Variants in SPPL2B observed in about 807,000 individuals in gnomAD.
SPPL2B encodes signal peptide peptidase like 2B.
In SPPL2B, 39 loss-of-function variants were observed where a neutral mutation model predicts 59.7. That is an observed-to-expected ratio of 0.65 (90% CI 0.51 to 0.85). The LOEUF (loss-of-function observed/expected upper bound fraction) is 0.85, where lower values mean the gene tolerates loss of function less well. Among genes scored for constraint, SPPL2B ranks in the 40% least tolerant of loss-of-function variants. The pLI is 0.00. For missense variants in SPPL2B, 865 were observed against 849.0 expected (o/e 1.02, Z -0.23); for synonymous variants, 419 against 370.8 (o/e 1.13, Z -1.49).
chr19:2,347,065 C>A (rs1230504739), intron 13 of SPPL2B, among the ~76,000 whole-genome samples: 1 of 152,214 alleles, frequency 6.6e-6, no homozygotes, highest in Non-Finnish European at 1.5e-5. Context: ...CTCCCGTGTG[C>A]CCCGTTCTCA....
At chr19:2,331,087 G>T (rs1236584120) in intron 1 of SPPL2B, among the ~76,000 whole-genome samples, 1 of 152,152 alleles carries the variant, frequency 6.6e-6, no homozygotes. Flanking sequence ...CAAGGAAGTC[G>T]ACCTCCCCAG....
chr19:2,345,724 C>T (rs1360986156), intron 13 of SPPL2B, among the ~76,000 whole-genome samples: 41 of 150,936 alleles, frequency 2.7e-4, no homozygotes, highest in African/African-American at 9.5e-4. Context: ...CCTCCGTCCC[C>T]GTCTTTCTCA....
chr19:2,328,885 C>T (rs377698871), intron 1 of SPPL2B, 110 bp downstream of exon 1: 5 of 976,626 alleles, frequency 5.1e-6, no homozygotes, highest in Non-Finnish European at 6.8e-6. Context: ...GGGGTCCAGC[C>T]TCGGGGATCC....
chr19:2,349,870 C>G (rs1599253472), intron 13 of SPPL2B, among the ~76,000 whole-genome samples: 2 of 139,402 alleles, frequency 1.4e-5, no homozygotes, highest in Admixed American at 1.4e-4. Context: ...TGATTCCGTT[C>G]TCTCTCTCCA....
At chr19:2,333,542 C>A (rs908809459) in intron 1 of SPPL2B, among the ~76,000 whole-genome samples, 3 of 152,242 alleles carry the variant, frequency 2.0e-5, no homozygotes, top group African/African-American at 7.2e-5. Context: ...GGGGTCGTCC[C>A]TTCTGGTCCA....
intron 2 of SPPL2B, among the ~76,000 whole-genome samples, 194 bp downstream of exon 2, chr19:2,334,915 G>A (rs952673995): frequency 1.3e-5 from 2 of 152,164 alleles, no homozygotes; most frequent in Non-Finnish European, 2.9e-5. Flanking sequence ...AGCTGTCCAT[G>A]CGGCCTTGGG....
At chr19:2,329,867 C>G (rs1401382733) in intron 1 of SPPL2B, among the ~76,000 whole-genome samples, 2 of 152,200 alleles carry the variant, frequency 1.3e-5, no homozygotes, top group African/African-American at 4.8e-5. Context: ...CTAGTCTTTT[C>G]TCTTACCCTG....
chr19:2,341,091 C>T (rs781225052), intron 8 of SPPL2B, 77 bp downstream of exon 8: 5 of 1,054,734 alleles, frequency 4.7e-6, no homozygotes, highest in Middle Eastern at 2.0e-4. Context: ...CCCTGACTCC[C>T]TGCCCTCCCT....
chr19:2,328,838 G>C, intron 1 of SPPL2B, 63 bp downstream of exon 1: 1 of 1,295,756 alleles, frequency 7.7e-7, no homozygotes, highest in Non-Finnish European at 9.9e-7. Flanking sequence ...TCTGTCCCCG[G>C]GCTACGCGCA....
At chr19:2,346,223 A>G (rs1295472709) in intron 13 of SPPL2B, among the ~76,000 whole-genome samples, 1 of 152,086 alleles carries the variant, frequency 6.6e-6, no homozygotes, top group African/African-American at 2.4e-5. Flanking sequence ...CACGCCCCCG[A>G]CCCTGCCCTC....
chr19:2,350,831 C>T (rs1478167818), intron 13 of SPPL2B, among the ~76,000 whole-genome samples: 1 of 152,234 alleles, frequency 6.6e-6, no homozygotes, highest in Non-Finnish European at 1.5e-5. Context: ...CCTGGCAGCC[C>T]TCCCCTGCGG....
intron 13 of SPPL2B, among the ~76,000 whole-genome samples, chr19:2,349,336 TTCTC>T (rs79337244): frequency 2.2e-4 from 24 of 110,466 alleles, no homozygotes; most frequent in East Asian, 4.4e-4. Flanking sequence ...CTTGATTCCG[TTCTC>T]TCTCTCCACA....
At chr19:2,339,020 G>A (rs763584011) in intron 4 of SPPL2B, 49 bp from the exon 5 acceptor site, 31 of 1,533,194 alleles carry the variant, frequency 2.0e-5, no homozygotes, top group Non-Finnish European at 2.6e-5. Context: ...GTCGACCCAT[G>A]GCTGGCGGGT....
At chr19:2,343,024 T>C in intron 8 of SPPL2B, 187 bp from the exon 9 acceptor site, 1 of 601,976 alleles carries the variant, frequency 1.7e-6, no homozygotes, top group Non-Finnish European at 3.0e-6. Flanking sequence ...CCGCCAGCCC[T>C]GCTGGAGTTG....
rs180827185 is a variant in SPPL2B at position 2,352,979 on chromosome 19, C to T, written c.1549C>T (p.Pro517Ser). 3 of 1,612,268 alleles carry T rather than the reference C, an allele frequency of 1.9e-6. No homozygotes were observed. The highest frequency in any genetic ancestry group is 2.5e-6 in the Non-Finnish European group (3 of 1,179,732). The change falls in exon 15 of 15, where the codon CCA (proline) becomes TCA (serine). Residue 517 changes from proline (P) to serine (S), a missense_variant. By Grantham distance (74) the Pro-to-Ser change is moderately conservative (BLOSUM62 -1). Coordinates refer to ENST00000613503, the MANE Select transcript of SPPL2B (RefSeq NM_152988.3). Reference sequence around the variant, plus strand: ...ACCTCCATCTCCGTGGGCCCCAGCACCAGCCGACGGCCCGCAGCCTCCCAA... The same window carrying T: ...ACCTCCATCTCCGTGGGCCCCAGCATCAGCCGACGGCCCGCAGCCTCCCAA... ...VLPPSPWAPA[P>S]ADGPQPPKDS...
chr19:2,336,348 C>T (rs1968612450), intron 2 of SPPL2B, among the ~76,000 whole-genome samples: 1 of 151,716 alleles, frequency 6.6e-6, no homozygotes. Context: ...TGGATGTGTG[C>T]ATGTGTCTGC....
At position 2,340,934 on chromosome 19, in the gene SPPL2B, C is replaced by A. The variant is rs748780876; in HGVS notation, c.876C>A (p.Arg292=). Residue 292 remains arginine (R), a synonymous_variant, in exon 8 of 15, where the codon CGC becomes CGA. Coordinates refer to ENST00000613503, the MANE Select transcript of SPPL2B (RefSeq NM_152988.3). ...PNNSLPYFHK[R]PQARMLLLAL... ...ACAGCCTGCCCTACTTCCACAAGCG[C>A]CCGCAGGCCCGTATGCTGCTCCTGG... 1 of 1,601,596 alleles carries A rather than the reference C, an allele frequency of 6.2e-7. No homozygotes were observed. Among genetic ancestry groups the A allele is most frequent in the Non-Finnish European group, 8.5e-7 (1 of 1,178,914 alleles).
rs374240513 is a variant in SPPL2B, at chr19:2,339,191, G to C, written c.582G>C (p.Gly194=). Residue 194 remains glycine, a synonymous_variant, in exon 5 of 15, where the codon GGG becomes GGC. Coordinates refer to ENST00000613503, the MANE Select transcript of SPPL2B (RefSeq NM_152988.3). The part of the protein sequence containing the change: ...GTVAIGGYWA[G]SRDVKKRYMK... ...TCGCCATCGGCGGCTACTGGGCCGG[G>C]AGTCGGGACGTGAAGAAGTGAGTTT... The C allele has an allele frequency of 6.2e-7, 1 of 1,603,568 alleles. No individual in the cohort carries two copies. Among genetic ancestry groups the C allele is most frequent in the Non-Finnish European group, 8.5e-7 (1 of 1,175,430 alleles).
chr19:2,345,367 G>T, intron 13 of SPPL2B, 37 bp downstream of exon 13: 2 of 1,577,294 alleles, frequency 1.3e-6, no homozygotes, highest in African/African-American at 1.3e-5. Context: ...GGCCTCTCTG[G>T]CTCCAGCCCC....
Sources: allele counts gnomAD v4.1 joint callset (sites outside exome capture counted in the v4.1 genomes callset), GRCh38; gene constraint gnomAD v4.1.1; transcripts MANE v1.5; gene names NCBI Gene and HGNC (gene_info 2026-07-23, HGNC 2026-07-21).